The following ANKRD22 variants were observed in gnomAD, a reference collection of about 807,000 sequenced individuals.
ANKRD22 encodes the protein ankyrin repeat domain 22, also known as ankyrin repeat domain-containing protein 22.
In ANKRD22, 24 loss-of-function variants were observed where a neutral mutation model predicts 25.7. That is an observed-to-expected ratio of 0.93 (90% CI 0.68 to 1.31). The LOEUF (loss-of-function observed/expected upper bound fraction) is 1.31. Among genes scored for constraint, ANKRD22 ranks in the 50% most tolerant of loss-of-function variants. The pLI is 0.00. For missense variants in ANKRD22, 214 were observed against 227.1 expected (o/e 0.94, Z 0.37); for synonymous variants, 84 against 84.3 (o/e 1.00, Z 0.02).
At chr10:88,838,537 G>C (rs771851280) in intron 1 of ANKRD22, among the ~76,000 whole-genome samples, 11 of 152,108 alleles carry the variant, frequency 7.2e-5, no homozygotes, top group Non-Finnish European at 1.2e-4. Context: ...CTCTGTCTAG[G>C]GATGAGAAGT....
chr10:88,830,782 G>A (rs1289914777), intron 2 of ANKRD22, among the ~76,000 whole-genome samples: 4 of 152,094 alleles, frequency 2.6e-5, no homozygotes, highest in Non-Finnish European at 4.4e-5. Flanking sequence ...CCTAACGAGC[G>A]CACCTCTTAA....
At chr10:88,847,648 T>G (rs971086508) in intron 1 of ANKRD22, among the ~76,000 whole-genome samples, 2 of 127,528 alleles carry the variant, frequency 1.6e-5, no homozygotes, top group Non-Finnish European at 1.6e-5. Flanking sequence ...TAAGTATACA[T>G]AAATGCTTCC....
In ANKRD22 at chr10:88,821,035, G is replaced by A. The variant is rs1390433200; in HGVS notation, c.*1906C>T. ...TCTATGTTAAGCATTCTCAGAATAA[G>A]GCCAAGTTTTATAGTTGCATCTCAG... On this transcript the variant is annotated 3_prime_UTR_variant, in exon 6 of 6. Transcript: ENST00000371930. Among the ~76,000 whole-genome samples the A allele has an allele frequency of 6.6e-6, 1 of 152,156 alleles. No homozygotes were observed.
At chr10:88,834,276 A>G (rs1232381587) in intron 1 of ANKRD22, among the ~76,000 whole-genome samples, 1 of 152,252 alleles carries the variant, frequency 6.6e-6, no homozygotes, top group East Asian at 1.9e-4. Context: ...CTATTATTTC[A>G]TAAAAGATAT....
chr10:88,850,680 T>A (rs1177842030), intron 1 of ANKRD22, among the ~76,000 whole-genome samples: 1 of 152,196 alleles, frequency 6.6e-6, no homozygotes, highest in Non-Finnish European at 1.5e-5. Flanking sequence ...GTCATTTTCA[T>A]GTATATGATC....
chr10:88,831,136 A>G (rs1843899624), intron 2 of ANKRD22, among the ~76,000 whole-genome samples: 1 of 152,220 alleles, frequency 6.6e-6, no homozygotes, highest in African/African-American at 2.4e-5. Context: ...TTGCAAAAAA[A>G]TGGCTTAATA....
At chr10:88,839,647 T>C (rs1742376403) in intron 1 of ANKRD22, among the ~76,000 whole-genome samples, 2 of 152,186 alleles carry the variant, frequency 1.3e-5, no homozygotes. Context: ...AACTAGACTG[T>C]AACCCTCCTG....
rs41296123 is a variant in ANKRD22 at position 88,822,395 on chromosome 10, G to A, written c.*546C>T. On this transcript the variant is annotated 3_prime_UTR_variant, in exon 6 of 6. Transcript: ENST00000371930. ...TGATTCTTCTGCTCAATACTCAAAG[G>A]GGGCTGGGAGGAACAGTTTGTCTCC... 1 of 152,132 alleles carries A rather than the reference G, an allele frequency of 6.6e-6. No individual in the cohort carries two copies. Among genetic ancestry groups the A allele is most frequent in the African/African-American group, 2.4e-5 (1 of 41,336 alleles). The allele number at this position is 152,132 out of a possible 1,614,324, so 9.4% of individuals were successfully genotyped here.
intron 1 of ANKRD22, among the ~76,000 whole-genome samples, chr10:88,840,964 T>A (rs10887862): frequency 0.33 from 49,627 of 152,030 alleles, 9,277 homozygotes; most frequent in East Asian, 0.62. Flanking sequence ...GTCCCACCAC[T>A]GGCTGGAACG....
intron 1 of ANKRD22, among the ~76,000 whole-genome samples, chr10:88,833,218 G>A (rs914447368): frequency 1.3e-5 from 2 of 151,720 alleles, no homozygotes; most frequent in Non-Finnish European, 2.9e-5. Flanking sequence ...TCAGCACATG[G>A]GAGGCAAACA....
At chr10:88,843,137 G>A (rs1191527214) in intron 1 of ANKRD22, among the ~76,000 whole-genome samples, 2 of 152,068 alleles carry the variant, frequency 1.3e-5, no homozygotes, top group Non-Finnish European at 2.9e-5. Flanking sequence ...TTTTCTCAAG[G>A]AAGGCTTCTC....
intron 1 of ANKRD22, among the ~76,000 whole-genome samples, chr10:88,837,052 A>G (rs767927100): frequency 6.6e-6 from 1 of 152,148 alleles, no homozygotes; most frequent in Non-Finnish European, 1.5e-5. Flanking sequence ...AAAGCTAGAG[A>G]CTTCAAAGAG....
Position 88,826,102 on chromosome 10 carries a change from T to C in ANKRD22, c.335A>G (p.Lys112Arg). 1 of 1,611,756 alleles carries C rather than the reference T, an allele frequency of 6.2e-7. No individual in the cohort carries two copies. The highest frequency in any genetic ancestry group is 8.5e-7 in the Non-Finnish European group (1 of 1,178,560). Residue 112 changes from lysine to arginine, a missense_variant, in exon 4 of 6, where the codon AAG becomes AGG. Coordinates refer to ENST00000371930, the MANE Select transcript of ANKRD22 (RefSeq NM_144590.3). ...IGYFLMVSKT[K>R]QNEALVRMLL... The stretch of plus-strand genomic sequence containing the variant: ...CATTCGTACAAGAGCCTCATTCTGC[T>C]TTGTCTTTGATACCTATTACAAATG...
intron 1 of ANKRD22, among the ~76,000 whole-genome samples, chr10:88,847,197 A>G (rs1323574317): frequency 6.6e-6 from 1 of 152,088 alleles, no homozygotes. Flanking sequence ...ATAGGACTTA[A>G]ACAGTTTATC....
intron 1 of ANKRD22, among the ~76,000 whole-genome samples, chr10:88,833,697 T>C (rs1357678780): frequency 6.6e-6 from 1 of 152,182 alleles, no homozygotes; most frequent in African/African-American, 2.4e-5. Context: ...AAAGGCAAAC[T>C]TCTGTACCTT....
At chr10:88,844,795 G>A (rs1399971649) in intron 1 of ANKRD22, among the ~76,000 whole-genome samples, 1 of 151,856 alleles carries the variant, frequency 6.6e-6, no homozygotes, top group Non-Finnish European at 1.5e-5. Context: ...CAATAGATAT[G>A]CACACATATA....
intron 1 of ANKRD22, among the ~76,000 whole-genome samples, chr10:88,841,638 A>C (rs1187655502): frequency 6.6e-6 from 1 of 152,126 alleles, no homozygotes; most frequent in Admixed American, 6.6e-5. Context: ...GGCCAGACAA[A>C]TCCATTTAGA....
chr10:88,841,524 T>C (rs1262787654), intron 1 of ANKRD22, among the ~76,000 whole-genome samples: 1 of 152,134 alleles, frequency 6.6e-6, no homozygotes, highest in Non-Finnish European at 1.5e-5. Flanking sequence ...CAGTTCAAGC[T>C]GACTCAAGCC....
intron 1 of ANKRD22, among the ~76,000 whole-genome samples, chr10:88,833,032 C>G (rs1244562797): frequency 1.3e-5 from 2 of 152,200 alleles, no homozygotes; most frequent in Non-Finnish European, 2.9e-5. Flanking sequence ...CATTCAGTAT[C>G]TCTCCCTCAC....
Sources: allele counts gnomAD v4.1 joint callset (sites outside exome capture counted in the v4.1 genomes callset), GRCh38; gene constraint gnomAD v4.1.1; transcripts MANE v1.5; gene names NCBI Gene and HGNC (gene_info 2026-07-23, HGNC 2026-07-21).